The following DDIAS variants were observed in gnomAD, a reference collection of about 807,000 sequenced individuals.
DDIAS encodes DNA damage induced apoptosis suppressor, also known as DNA damage-induced apoptosis suppressor protein.
Under a neutral mutation model 15.7 loss-of-function variants are expected in DDIAS, and 14 were observed. The ratio of observed to expected loss-of-function variants is 0.89; its 90% CI spans 0.59 to 1.39. DDIAS has a LOEUF of 1.39. DDIAS is among the 40% of genes most tolerant of loss of function. DDIAS has a pLI of 0.00. For missense variants in DDIAS, 1,035 were observed against 1,130.9 expected (o/e 0.92, Z 1.22); for synonymous variants, 355 against 395.9 (o/e 0.90, Z 1.23).
At chr11:82,910,886 G>A (rs1860520693) in intron 1 of DDIAS, among the ~76,000 whole-genome samples, 2 of 152,052 alleles carry the variant, frequency 1.3e-5, no homozygotes, top group African/African-American at 2.4e-5. Context: ...ATACCTTGGA[G>A]ATATTGTGGG....
chr11:82,930,802 T>C (rs947301378), intron 5 of DDIAS, among the ~76,000 whole-genome samples: 2 of 152,206 alleles, frequency 1.3e-5, no homozygotes, highest in African/African-American at 4.8e-5. Context: ...TTCTGTCTCA[T>C]CTATGCTAAA....
intron 5 of DDIAS, 119 bp downstream of exon 5, chr11:82,930,393 T>C (rs1860957659): frequency 2.8e-6 from 2 of 705,166 alleles, no homozygotes; most frequent in East Asian, 2.9e-5. Context: ...AGAAACACTT[T>C]AAACTATGTA....
At position 82,933,174 on chromosome 11, in the gene DDIAS, A is replaced by G; in HGVS notation, c.1836A>G (p.Lys612=). ...CTGATCTTTGCAAATTAGAAAATAA[A>G]CAATATTGTAGGTGGTCCAAGAACC... ...DVSDLCKLEN[K]QYCRWSKNQD... is the part of the protein sequence containing the mutation. Residue 612 remains lysine, a synonymous_variant, in exon 6 of 6, where the codon AAA becomes AAG. Transcript: ENST00000533655. 1.9e-6 allele frequency: 3 copies of G among 1,611,950 alleles called. No homozygotes were observed. The highest frequency in any genetic ancestry group is 4.5e-5 in the East Asian group (2 of 44,842).
At chr11:82,906,968 C>G (rs1322224443) in intron 1 of DDIAS, among the ~76,000 whole-genome samples, 3 of 152,104 alleles carry the variant, frequency 2.0e-5, no homozygotes, top group African/African-American at 7.2e-5. Context: ...AAGATATAAA[C>G]AGATAGTCCT....
intron 3 of DDIAS, among the ~76,000 whole-genome samples, chr11:82,920,456 G>A (rs1860722354): frequency 6.6e-6 from 1 of 152,130 alleles, no homozygotes; most frequent in Admixed American, 6.5e-5. Context: ...GTTCCTTGAG[G>A]TGTGACCTTA....
At chr11:82,918,939 T>C (rs1413708343) in intron 3 of DDIAS, among the ~76,000 whole-genome samples, 1 of 152,208 alleles carries the variant, frequency 6.6e-6, no homozygotes, top group African/African-American at 2.4e-5. Flanking sequence ...TTGTGTACAT[T>C]AATCTTGTAT....
At chr11:82,906,405 T>G (rs1860432701) in intron 1 of DDIAS, among the ~76,000 whole-genome samples, 1 of 152,176 alleles carries the variant, frequency 6.6e-6, no homozygotes, top group Non-Finnish European at 1.5e-5. Flanking sequence ...GTAACCAACC[T>G]TCCTTTAAAA....
chr11:82,934,304 G>A lies in DDIAS; in HGVS notation c.2966G>A (p.Arg989Gln), dbSNP rs781325465. ...GGCCCACCTTCAGTGTGTGAAACTC[G>A]AAGTGCTTGGTCACCTGAATTGTTT... ...EKGPPSVCET[R>Q]SAWSPELFS Residue 989 changes from arginine to glutamine, a missense_variant, in exon 6 of 6, where the codon CGA becomes CAA. By Grantham distance (43) the Arg-to-Gln change is conservative (BLOSUM62 1). Coordinates refer to ENST00000533655, the MANE Select transcript of DDIAS (RefSeq NM_145018.4). 5.0e-5 allele frequency: 80 copies of A among 1,599,858 alleles called. No homozygotes were observed. Among genetic ancestry groups the A allele is most frequent in the Middle Eastern group, 3.3e-4 (2 of 5,998 alleles).
In DDIAS at chr11:82,932,374, G is replaced by C; in HGVS notation, c.1036G>C (p.Glu346Gln). Residue 346 changes from glutamate (E) to glutamine (Q), a missense_variant, in exon 6 of 6, where the codon GAG becomes CAG. By Grantham distance (29) the Glu-to-Gln change is conservative (BLOSUM62 2). Transcript: ENST00000533655. The part of the protein sequence containing the change: ...DSNLFSLEMR[E>Q]PLESSNTKSF... Reference sequence around the variant, plus strand: ...TAATTTATTCTCTTTGGAAATGCGAGAGCCCCTTGAGTCAAGTAATACAAA... The same window carrying C: ...TAATTTATTCTCTTTGGAAATGCGACAGCCCCTTGAGTCAAGTAATACAAA... The C allele has an allele frequency of 6.2e-7, 1 of 1,613,998 alleles. No homozygotes were observed. The highest frequency in any genetic ancestry group is 8.5e-7 in the Non-Finnish European group (1 of 1,179,882).
In DDIAS at chr11:82,926,651, T is replaced by TA. The variant is rs1216440070; in HGVS notation, c.114-2121dup. 4.6e-5 allele frequency among the ~76,000 whole-genome samples: 7 copies of TA among 152,324 alleles called. 1 individual carries two copies. The East Asian group carries it at 1.4e-3, about 29-fold the overall frequency. On this transcript the variant is annotated intron_variant, in intron 3 of 5. Coordinates refer to ENST00000533655, the MANE Select transcript of DDIAS (RefSeq NM_145018.4). The stretch of plus-strand genomic sequence containing the variant: ...GCATCAGTATTACCTGGGAGCTTAT[T>TA]AAAAATGCAGGATCTTGGGCCTCAT...
intron 3 of DDIAS, among the ~76,000 whole-genome samples, chr11:82,917,298 CT>C (rs1860651625): frequency 6.6e-6 from 1 of 151,950 alleles, no homozygotes; most frequent in Admixed American, 6.6e-5. Flanking sequence ...CTCTCACCCC[CT>C]CCCACCCTTC....
At chr11:82,913,862 C>T (rs755563739) in intron 2 of DDIAS, 1 of 393,954 alleles carries the variant, frequency 2.5e-6, no homozygotes, top group East Asian at 7.7e-5. Flanking sequence ...GAATGGGACC[C>T]AAGTCTAAAC....
chr11:82,931,111 C>CATTTTT (rs753898549), intron 5 of DDIAS, among the ~76,000 whole-genome samples: 3 of 152,090 alleles, frequency 2.0e-5, no homozygotes, highest in Non-Finnish European at 4.4e-5. Context: ...AGTAATCCTG[C>CATTTTT]ATTTTTATTT....
Position 82,932,475 on chromosome 11 carries a change from T to C in DDIAS, c.1137T>C (p.Asp379=), listed in dbSNP as rs1861016853. The change falls in exon 6 of 6, where the codon GAT becomes GAC. Residue 379 remains aspartate, a synonymous_variant. Coordinates refer to ENST00000533655, the MANE Select transcript of DDIAS (RefSeq NM_145018.4). ...CATGTTTTCAGCATCATGGTATAGA[T>C]ACCCCAACTAGCCTTCAGAAGAGAT... The part of the protein sequence containing the change: ...ELPCFQHHGI[D]TPTSLQKRSA... 2.5e-6 allele frequency: 4 copies of C among 1,614,088 alleles called. No individual in the cohort carries two copies. The highest frequency in any genetic ancestry group is 2.7e-5 in the African/African-American group (2 of 74,926).
Position 82,934,104 on chromosome 11 carries a change from G to A in DDIAS, c.2766G>A (p.Lys922=). 6.2e-7 allele frequency: 1 copy of A among 1,608,746 alleles called. No individual in the cohort carries two copies. Among genetic ancestry groups the A allele is most frequent in the Non-Finnish European group, 8.5e-7 (1 of 1,178,446 alleles). ...TNKGLIKKKL[K]NMLAAVVTKK... is the part of the protein sequence containing the mutation. ...AAGGTTTAATTAAGAAGAAATTAAAGAATATGCTTGCAGCAGTTGTTACGA... is the reference window on the plus strand; with the variant it reads ...AAGGTTTAATTAAGAAGAAATTAAAAAATATGCTTGCAGCAGTTGTTACGA... The change falls in exon 6 of 6, where the codon AAG becomes AAA. Residue 922 remains lysine, a synonymous_variant. Coordinates refer to ENST00000533655, the MANE Select transcript of DDIAS (RefSeq NM_145018.4).
chr11:82,917,593 G>C lies in DDIAS; in HGVS notation c.113+2742G>C, dbSNP rs187165864. On this transcript the variant is annotated intron_variant, in intron 3 of 5. Coordinates refer to ENST00000533655, the MANE Select transcript of DDIAS (RefSeq NM_145018.4). Reference sequence around the variant, plus strand: ...CCACGATTTTGCAATTGTGAACTGGGCTGCTATAAACATGAGTGTGCAAGT... The same window carrying C: ...CCACGATTTTGCAATTGTGAACTGGCCTGCTATAAACATGAGTGTGCAAGT... Among the ~76,000 whole-genome samples the C allele has an allele frequency of 3.9e-5, 6 of 152,272 alleles. No homozygotes were observed. In the East Asian group the frequency reaches 9.6e-4, roughly 24 times the overall value.
At chr11:82,925,275 C>T (rs997611901) in intron 3 of DDIAS, among the ~76,000 whole-genome samples, 2 of 152,128 alleles carry the variant, frequency 1.3e-5, no homozygotes, top group African/African-American at 4.8e-5. Flanking sequence ...TAATTTCTCA[C>T]TTTCATTTAA....
At chr11:82,910,598 CTCTCTCTCTTTTTTT>C (rs1159821059) in intron 1 of DDIAS, among the ~76,000 whole-genome samples, 1 of 123,354 alleles carries the variant, frequency 8.1e-6, no homozygotes, top group African/African-American at 3.5e-5. Flanking sequence ...TTTTTTCTCT[CTCTCTCTCTTTTTTT>C]TTTTTTTTTT....
chr11:82,921,432 T>A (rs1204433028), intron 3 of DDIAS, among the ~76,000 whole-genome samples: 1 of 152,108 alleles, frequency 6.6e-6, no homozygotes, highest in Non-Finnish European at 1.5e-5. Flanking sequence ...GTACCTTGTT[T>A]TTTTTGTTTT....
Sources: gnomAD v4.1 joint callset for allele counts (sites outside exome capture counted in the v4.1 genomes callset) on GRCh38, gnomAD v4.1.1 for gene constraint, MANE v1.5 for transcripts, NCBI Gene and HGNC (gene_info 2026-07-23, HGNC 2026-07-21) for gene names.